ADCY2: variants seen among roughly 807,000 people sequenced by gnomAD.
ADCY2 encodes the protein adenylate cyclase 2.
In ADCY2, 31 loss-of-function variants were observed where a neutral mutation model predicts 125.2. The ratio of observed to expected loss-of-function variants is 0.25; its 90% CI spans 0.19 to 0.33. The LOEUF is 0.33. Ranked by LOEUF, ADCY2 falls within the 10% of genes least tolerant of loss-of-function variation. ADCY2 has a pLI of 1.00. For missense variants in ADCY2, 904 were observed against 1,418.2 expected, an observed-to-expected ratio of 0.64 and a Z score of 5.82; for synonymous variants, 512 against 548.4, an observed-to-expected ratio of 0.93 and a Z score of 0.93.
chr5:7,417,859 C>T (rs1740016061), intron 2 of ADCY2, among the ~76,000 whole-genome samples: 1 of 152,226 alleles, frequency 6.6e-6, no homozygotes, highest in Admixed American at 6.5e-5. Flanking sequence ...GTATCCTATC[C>T]TTACCCTTAG....
In ADCY2 at chr5:7,482,642, G is replaced by A. The variant is rs952065922; in HGVS notation, c.409-38096G>A. On this transcript the variant is annotated intron_variant, in intron 2 of 24. Transcript: ENST00000338316. Reference sequence around the variant, plus strand: ...ATCCCACTACTGGGTATTTATCCAAGGAAAAGAAATCCTTATATCAAAGAG... The same window carrying A: ...ATCCCACTACTGGGTATTTATCCAAAGAAAAGAAATCCTTATATCAAAGAG... Among the ~76,000 whole-genome samples, 7 of 151,768 alleles carry A rather than the reference G, an allele frequency of 4.6e-5. No individual in the cohort carries two copies. In the South Asian group the frequency reaches 1.3e-3, roughly 27 times the overall value.
chr5:7,510,927 C>T (rs1405907636), intron 2 of ADCY2, among the ~76,000 whole-genome samples: 4 of 152,296 alleles, frequency 2.6e-5, no homozygotes, highest in East Asian at 3.9e-4. Flanking sequence ...TGACTGCCAT[C>T]GAGGTGCTGC....
intron 7 of ADCY2, among the ~76,000 whole-genome samples, chr5:7,702,705 T>C (rs924889440): frequency 6.6e-6 from 1 of 152,246 alleles, no homozygotes; most frequent in African/African-American, 2.4e-5. Flanking sequence ...CATGCGTCTT[T>C]ATAGCAGCAT....
chr5:7,548,346 TG>T (rs1205798128), intron 3 of ADCY2, among the ~76,000 whole-genome samples: 1 of 151,972 alleles, frequency 6.6e-6, no homozygotes, highest in African/African-American at 2.4e-5. Flanking sequence ...TATAAATTTA[TG>T]TTGTAAATTG....
rs192003105 is a variant in ADCY2 at position 7,698,500 on chromosome 5, C to A, written c.1109+126C>A. ...TGGTTTCCTGCACCCATCAACTCATCATTTACATTAGGTATTTCTACTAAT... is the reference window on the plus strand; with the variant it reads ...TGGTTTCCTGCACCCATCAACTCATAATTTACATTAGGTATTTCTACTAAT... On this transcript the variant is annotated intron_variant, in intron 7 of 24. Coordinates refer to ENST00000338316, the MANE Select transcript of ADCY2 (RefSeq NM_020546.3). 328 of 966,114 alleles carry A rather than the reference C, an allele frequency of 3.4e-4. 1 individual carries two copies. The Middle Eastern group carries it at 7.4e-3, about 22-fold the overall frequency. The allele number at this position is 966,114 out of a possible 1,614,324, so 59.8% of individuals were successfully genotyped here.
intron 2 of ADCY2, among the ~76,000 whole-genome samples, chr5:7,489,994 ACAGAC>A (rs1261326381): frequency 6.6e-6 from 1 of 152,042 alleles, no homozygotes; most frequent in Non-Finnish European, 1.5e-5. Context: ...AATTTTGAAT[ACAGAC>A]TTAACATTTC....
intron 22 of ADCY2, among the ~76,000 whole-genome samples, chr5:7,809,282 G>A (rs779821803): frequency 6.6e-6 from 1 of 152,176 alleles, no homozygotes; most frequent in Non-Finnish European, 1.5e-5. Flanking sequence ...TTTGTGATTA[G>A]AGCATTTAAT....
At chr5:7,669,582 C>T (rs1308020120) in intron 4 of ADCY2, among the ~76,000 whole-genome samples, 1 of 152,150 alleles carries the variant, frequency 6.6e-6, no homozygotes, top group Admixed American at 6.6e-5. Context: ...CCATGGGTTG[C>T]AATTTGCATT....
At chr5:7,814,412 C>A (rs1179829047) in intron 22 of ADCY2, among the ~76,000 whole-genome samples, 1 of 151,924 alleles carries the variant, frequency 6.6e-6, no homozygotes, top group East Asian at 1.9e-4. Flanking sequence ...TGAAGGATGC[C>A]CCTGCCGTCC....
At chr5:7,422,799 C>A (rs1740252132) in intron 2 of ADCY2, among the ~76,000 whole-genome samples, 1 of 152,158 alleles carries the variant, frequency 6.6e-6, no homozygotes, top group African/African-American at 2.4e-5. Context: ...AGTGTGCAAA[C>A]ATCTTTTTTT....
chr5:7,636,495 G>T (rs1490875090), intron 4 of ADCY2, among the ~76,000 whole-genome samples: 1 of 152,210 alleles, frequency 6.6e-6, no homozygotes, highest in African/African-American at 2.4e-5. Flanking sequence ...CTACAGGGAG[G>T]TGGTTACCAG....
chr5:7,826,184 C>T (rs1183327118), intron 24 of ADCY2, among the ~76,000 whole-genome samples: 1 of 152,116 alleles, frequency 6.6e-6, no homozygotes, highest in Admixed American at 6.5e-5. Context: ...CGACCATTGG[C>T]AGGAGTCTAC....
At chr5:7,712,145 T>C (rs1386055165) in intron 10 of ADCY2, among the ~76,000 whole-genome samples, 1 of 152,230 alleles carries the variant, frequency 6.6e-6, no homozygotes, top group Non-Finnish European at 1.5e-5. Flanking sequence ...CATATCTTAA[T>C]ATAACCTTGG....
At chr5:7,710,746 T>C (rs1200323598) in intron 10 of ADCY2, among the ~76,000 whole-genome samples, 1 of 151,784 alleles carries the variant, frequency 6.6e-6, no homozygotes, top group Admixed American at 6.6e-5. Context: ...CAAGGGAGGG[T>C]CATGATATAA....
intron 1 of ADCY2, among the ~76,000 whole-genome samples, chr5:7,409,145 C>T (rs577388296): frequency 1.3e-5 from 2 of 152,028 alleles, no homozygotes; most frequent in Non-Finnish European, 1.5e-5. Context: ...AACCAAATAC[C>T]GCATACTCTC....
chr5:7,554,769 T>C (rs527564639), intron 3 of ADCY2, among the ~76,000 whole-genome samples: 4 of 152,232 alleles, frequency 2.6e-5, no homozygotes, highest in South Asian at 2.1e-4. Flanking sequence ...TGGTTCATGA[T>C]AGATTTCATA....
intron 13 of ADCY2, among the ~76,000 whole-genome samples, chr5:7,725,356 T>C (rs938099706): frequency 1.3e-5 from 2 of 152,202 alleles, no homozygotes; most frequent in Non-Finnish European, 2.9e-5. Flanking sequence ...CATTCGCAGC[T>C]CTGGTATTAA....
chr5:7,520,457 G>T (rs564366563), intron 2 of ADCY2, among the ~76,000 whole-genome samples: 13 of 152,304 alleles, frequency 8.5e-5, no homozygotes, highest in African/African-American at 3.1e-4. Context: ...ACAGAACCCT[G>T]ATAGTTTAGG....
chr5:7,773,182 A>T (rs1348236947), intron 18 of ADCY2, 81 bp downstream of exon 18: 1 of 1,382,098 alleles, frequency 7.2e-7, no homozygotes, highest in Non-Finnish European at 9.9e-7. Flanking sequence ...AGTAAATGCA[A>T]GTTAGCGATG....
Sources: allele counts gnomAD v4.1 joint callset (sites outside exome capture counted in the v4.1 genomes callset), GRCh38; gene constraint gnomAD v4.1.1; transcripts MANE v1.5; gene names NCBI Gene and HGNC (gene_info 2026-07-23, HGNC 2026-07-21).